Variants in PEMT observed in about 807,000 individuals in gnomAD.
The protein encoded by PEMT is phosphatidylethanolamine N-methyltransferase.
Under a neutral mutation model 27.4 loss-of-function variants are expected in PEMT, and 23 were observed. That is an observed-to-expected ratio of 0.84 (90% CI 0.60 to 1.19). The LOEUF (loss-of-function observed/expected upper bound fraction) is 1.19, where lower values mean the gene tolerates loss of function less well. Ranked by LOEUF, PEMT falls within the 50% of genes most tolerant of loss-of-function variation. PEMT has a pLI of 0.00. For synonymous variants in PEMT, 137 were observed against 139.1 expected (o/e 0.98, Z 0.11); for missense variants, 307 against 310.1 (o/e 0.99, Z 0.07).
intron 2 of PEMT, among the ~76,000 whole-genome samples, chr17:17,568,054 C>CA (rs1233609578): frequency 6.7e-6 from 1 of 148,522 alleles, no homozygotes; most frequent in African/African-American, 2.6e-5. Context: ...CACACACTCA[C>CA]ACACCTACAC....
At chr17:17,528,628 C>T (rs184321395) in intron 2 of PEMT, among the ~76,000 whole-genome samples, 96 of 152,310 alleles carry the variant, frequency 6.3e-4, no homozygotes, top group Admixed American at 6.3e-3. Flanking sequence ...GAGACGTCCC[C>T]GGGGCAGCAG....
intron 1 of PEMT, 40 bp downstream of exon 1, chr17:17,591,491 C>T: frequency 4.6e-6 from 7 of 1,521,644 alleles, no homozygotes; most frequent in Non-Finnish European, 6.3e-6. Context: ...CCTTGCAGAT[C>T]CCTCTCCCAG....
intron 1 of PEMT, among the ~76,000 whole-genome samples, chr17:17,577,792 C>T (rs1442099464): frequency 2.6e-5 from 4 of 151,820 alleles, no homozygotes; most frequent in African/African-American, 7.3e-5. Context: ...CCGAGGCGGG[C>T]GGATCACGAG....
chr17:17,510,208 A>G (rs981320347), intron 4 of PEMT, among the ~76,000 whole-genome samples: 4 of 152,122 alleles, frequency 2.6e-5, no homozygotes, highest in Non-Finnish European at 5.9e-5. Flanking sequence ...CAGGCCAGCC[A>G]TGCACCCGTC....
chr17:17,534,988 A>G (rs1597900808), intron 2 of PEMT, among the ~76,000 whole-genome samples: 2 of 151,884 alleles, frequency 1.3e-5, no homozygotes, highest in South Asian at 4.2e-4. Flanking sequence ...TCAGCTCACT[A>G]CAACCTCTGC....
At chr17:17,544,404 C>T (rs1303968494) in intron 2 of PEMT, among the ~76,000 whole-genome samples, 22 of 151,968 alleles carry the variant, frequency 1.4e-4, no homozygotes, top group Admixed American at 1.4e-3. Flanking sequence ...CCTCAGCCTC[C>T]CGAGTAGCTG....
chr17:17,547,666 C>CTCCTCCTCA (rs1909355211), intron 2 of PEMT, among the ~76,000 whole-genome samples: 1 of 151,978 alleles, frequency 6.6e-6, no homozygotes, highest in Non-Finnish European at 1.5e-5. Flanking sequence ...CCTCCTCCTC[C>CTCCTCCTCA]TCCTCCTCAT....
chr17:17,540,054 T>C (rs1908773374), intron 2 of PEMT, among the ~76,000 whole-genome samples: 1 of 152,082 alleles, frequency 6.6e-6, no homozygotes, highest in Non-Finnish European at 1.5e-5. Flanking sequence ...AGACATCTTC[T>C]GGAAAAGACA....
intron 2 of PEMT, among the ~76,000 whole-genome samples, chr17:17,526,436 A>C (rs1400105925): frequency 6.6e-6 from 1 of 151,994 alleles, no homozygotes; most frequent in African/African-American, 2.4e-5. Context: ...GACGGACAGT[A>C]CCCCCCACCC....
At chr17:17,563,448 C>T (rs772959572) in intron 2 of PEMT, among the ~76,000 whole-genome samples, 3 of 152,022 alleles carry the variant, frequency 2.0e-5, no homozygotes, top group African/African-American at 4.8e-5. Context: ...CACGGAAATG[C>T]GAAGGGGGAA....
At chr17:17,544,284 CT>C (rs200066506) in intron 2 of PEMT, among the ~76,000 whole-genome samples, 29,333 of 143,544 alleles carry the variant, frequency 0.2, 3,343 homozygotes, top group South Asian at 0.35. Flanking sequence ...TTTTTCTTTT[CT>C]TTTTTTTTTT....
intron 1 of PEMT, among the ~76,000 whole-genome samples, chr17:17,579,235 G>A (rs1404972088): frequency 6.6e-6 from 1 of 152,202 alleles, no homozygotes; most frequent in Non-Finnish European, 1.5e-5. Flanking sequence ...GTGACCATGG[G>A]ATGTCCCTCA....
At chr17:17,591,446 C>A in intron 1 of PEMT, 85 bp downstream of exon 1, 1 of 1,151,970 alleles carries the variant, frequency 8.7e-7, no homozygotes, top group Non-Finnish European at 1.2e-6. Context: ...CGCCCCGCAG[C>A]GTTTGAGGCG....
At chr17:17,533,231 G>T (rs113839889) in intron 2 of PEMT, among the ~76,000 whole-genome samples, 1 of 152,198 alleles carries the variant, frequency 6.6e-6, no homozygotes, top group Non-Finnish European at 1.5e-5. Flanking sequence ...AATGAATGTG[G>T]AAAGAATAGC....
intron 1 of PEMT, chr17:17,578,543 T>A (rs1911771529): frequency 6.6e-6 from 1 of 152,120 alleles, no homozygotes; most frequent in African/African-American, 2.4e-5. Context: ...AAACTTTTTC[T>A]AAAATGCACT....
At chr17:17,570,608 A>C (rs1461256443) in intron 2 of PEMT, 1 of 985,308 alleles carries the variant, frequency 1.0e-6, no homozygotes, top group East Asian at 1.1e-4. Flanking sequence ...GCAGCCTTGC[A>C]CAAGAGAAGC....
At chr17:17,576,021 T>C (rs899353501) in intron 2 of PEMT, among the ~76,000 whole-genome samples, 10 of 152,158 alleles carry the variant, frequency 6.6e-5, no homozygotes, top group Non-Finnish European at 1.3e-4. Context: ...ACTCTGCAGA[T>C]TAGCCTCGGG....
intron 2 of PEMT, among the ~76,000 whole-genome samples, chr17:17,558,342 A>T (rs1178652692): frequency 6.6e-6 from 1 of 152,096 alleles, no homozygotes; most frequent in Non-Finnish European, 1.5e-5. Context: ...CACTGTCTCT[A>T]CTACAAATAC....
chr17:17,563,505 AG>A (rs1312654791), intron 2 of PEMT, among the ~76,000 whole-genome samples: 3 of 152,224 alleles, frequency 2.0e-5, no homozygotes, highest in Non-Finnish European at 2.9e-5. Flanking sequence ...CTTAGGAAGA[AG>A]GGGCAGTTTT....
Sources: gnomAD v4.1 joint callset for allele counts (sites outside exome capture counted in the v4.1 genomes callset) on GRCh38, gnomAD v4.1.1 for gene constraint, MANE v1.5 for transcripts, NCBI Gene and HGNC (gene_info 2026-07-23, HGNC 2026-07-21) for gene names.